The following AKAP9 variants were observed in gnomAD, a reference collection of about 807,000 sequenced individuals.
AKAP9 encodes the protein A-kinase anchor protein 9.
AKAP9 carries 311 observed loss-of-function variants against 488.5 expected under a neutral mutation model. The ratio of observed to expected loss-of-function variants is 0.64; its 90% confidence interval spans 0.58 to 0.70. The LOEUF (loss-of-function observed/expected upper bound fraction) is 0.70, where lower values mean the gene tolerates loss of function less well. AKAP9 is among the 30% of genes least tolerant of loss of function. The pLI, the probability that AKAP9 is intolerant of heterozygous loss-of-function variation, is 0.00. For missense variants in AKAP9, 4,215 were observed against 4,374.5 expected, an observed-to-expected ratio of 0.96 and a Z score of 1.03; for synonymous variants, 1,462 against 1,483.5, an observed-to-expected ratio of 0.99 and a Z score of 0.33.
At position 92,070,035 on chromosome 7, in the gene AKAP9, A is replaced by G; in HGVS notation, c.6336A>G (p.Glu2112=). The G allele has an allele frequency of 1.2e-6, 2 of 1,612,666 alleles. No homozygotes were observed. The highest frequency in any genetic ancestry group is 1.7e-6 in the Non-Finnish European group (2 of 1,179,696). The change falls in exon 27 of 50, where the codon GAA becomes GAG. Residue 2112 remains glutamate, a synonymous_variant. Transcript: ENST00000356239. ...TTTTGCCTCTTATATTTCAGGTTGA[A>G]CAGTTAGCAAATCATCTGAAAGAAA... The part of the protein sequence containing the change: ...PISEHQTREV[E]QLANHLKEKT...
intron 12 of AKAP9, among the ~76,000 whole-genome samples, chr7:92,020,013 CA>C (rs1004312584): frequency 1.3e-3 from 182 of 138,054 alleles, no homozygotes; most frequent in South Asian, 1.8e-3. Flanking sequence ...GACTCCATCT[CA>C]AAAAAAAAAA....
In AKAP9 at chr7:92,095,729, C is replaced by A. The variant is rs575805054; in HGVS notation, c.9729+556C>A. On this transcript the variant is annotated intron_variant, in intron 40 of 49. Transcript: ENST00000356239. ...CACTGGCTCAGAGCTCTTCTAGCCACGTAATCCTAATTCTCACTAACTCTG... is the reference window on the plus strand; with the variant it reads ...CACTGGCTCAGAGCTCTTCTAGCCAAGTAATCCTAATTCTCACTAACTCTG... 2.0e-5 allele frequency among the ~76,000 whole-genome samples: 3 copies of A among 152,276 alleles called. No homozygotes were observed. In the East Asian group the frequency reaches 5.8e-4, roughly 29 times the overall value.
intron 1 of AKAP9, among the ~76,000 whole-genome samples, chr7:91,955,832 C>T (rs1792920612): frequency 6.6e-6 from 1 of 152,126 alleles, no homozygotes; most frequent in African/African-American, 2.4e-5. Flanking sequence ...CAGGGTCTCG[C>T]CGTGTTGGCC....
rs1797961217 is a variant in AKAP9 at position 91,993,034 on chromosome 7, T to C, written c.555T>C (p.Tyr185=). The C allele has an allele frequency of 6.2e-7, 1 of 1,613,948 alleles. No homozygotes were observed. Among genetic ancestry groups the C allele is most frequent in the African/African-American group, 1.3e-5 (1 of 74,918 alleles). ...AGCTGGAAGAAATGAGGGTTACCTA[T>C]GGGACTGAAGGACTGCAGCAGGTAT... The part of the protein sequence containing the change: ...NRELEEMRVT[Y]GTEGLQQLQE... Residue 185 remains tyrosine (Y), a synonymous_variant, in exon 5 of 50, where the codon TAT becomes TAC. Transcript: ENST00000356239.
At chr7:92,032,733 AT>A (rs1554423178) in intron 16 of AKAP9, among the ~76,000 whole-genome samples, 2 of 152,206 alleles carry the variant, frequency 1.3e-5, no homozygotes, top group Non-Finnish European at 2.9e-5. Context: ...TTATTCACTT[AT>A]GCCTAAAGTG....
chr7:92,105,966 A>G (rs1008138500), intron 47 of AKAP9, among the ~76,000 whole-genome samples: 3 of 152,242 alleles, frequency 2.0e-5, no homozygotes, highest in South Asian at 4.1e-4. Context: ...CACAAATCCT[A>G]TTGTGAACTG....
intron 1 of AKAP9, among the ~76,000 whole-genome samples, chr7:91,943,019 C>T (rs79225219): frequency 6.7e-6 from 1 of 150,166 alleles, no homozygotes; most frequent in Non-Finnish European, 1.5e-5. Flanking sequence ...TAGTGAGACT[C>T]TACAAAAAAT....
At chr7:92,003,303 C>T in intron 8 of AKAP9, 68 bp downstream of exon 8, 1 of 1,217,484 alleles carries the variant, frequency 8.2e-7, no homozygotes, top group East Asian at 2.3e-5. Context: ...TAAGGTTTCA[C>T]CTTCATAGAA....
rs1814442462 is a variant in AKAP9, at chr7:92,085,746, C to T, written c.9024+60C>T. On this transcript the variant is annotated intron_variant, in intron 36 of 49. Transcript: ENST00000356239. ...ATGTATTATTTGAACAATAATAATA[C>T]ATTATAAATTAAATTATCTTTTATA... 8 of 1,186,096 alleles carry T rather than the reference C, an allele frequency of 6.7e-6. No individual in the cohort carries two copies. The South Asian group carries it at 1.1e-4, about 16-fold the overall frequency. The allele number at this position is 1,186,096 out of a possible 1,614,324, so 73.5% of individuals were successfully genotyped here.
intron 46 of AKAP9, 66 bp downstream of exon 46, chr7:92,102,892 C>T: frequency 1.5e-6 from 2 of 1,353,632 alleles, no homozygotes; most frequent in Non-Finnish European, 2.1e-6. Flanking sequence ...ATTTTTAATT[C>T]TCCCTCTATT....
intron 2 of AKAP9, among the ~76,000 whole-genome samples, chr7:91,974,667 T>C (rs932712700): frequency 3.3e-5 from 5 of 152,160 alleles, no homozygotes; most frequent in African/African-American, 1.2e-4. Context: ...AGGGATTGCA[T>C]TGAATCTGTA....
chr7:92,102,452 T>C (rs574682294), intron 45 of AKAP9, 142 bp from the exon 46 acceptor site: 1 of 171,198 alleles, frequency 5.8e-6, no homozygotes, highest in South Asian at 6.9e-5. Flanking sequence ...TTACTATTAC[T>C]ACTACTACTA....
In AKAP9 at chr7:92,002,942, G is replaced by T; in HGVS notation, c.3025G>T (p.Val1009Leu). ...TATTAACCACAACAGGGCAGAAAAT[G>T]TACAGTCATGTGATACTCAAGTAAG... ...IIINHNRAEN[V>L]QSCDTQVSSL... The change falls in exon 8 of 50, where the codon GTA becomes TTA. Residue 1009 changes from valine (V) to leucine (L), a missense_variant. This residue lies in a region of AKAP9 where 2,361 missense variants were observed against 2,430.0 expected (regional missense o/e 0.97). Transcript: ENST00000356239. The T allele has an allele frequency of 6.2e-7, 1 of 1,612,146 alleles. No homozygotes were observed. Among genetic ancestry groups the T allele is most frequent in the Non-Finnish European group, 8.5e-7 (1 of 1,179,372 alleles).
intron 1 of AKAP9, among the ~76,000 whole-genome samples, chr7:91,947,493 C>T (rs959303192): frequency 1.3e-5 from 2 of 152,084 alleles, no homozygotes; most frequent in South Asian, 4.1e-4. Context: ...CAGGCGCCCA[C>T]CACCACACCC....
intron 43 of AKAP9, 111 bp downstream of exon 43, chr7:92,098,325 G>T: frequency 3.1e-6 from 2 of 636,612 alleles, no homozygotes; most frequent in Non-Finnish European, 5.4e-6. Flanking sequence ...AGTTTTATTT[G>T]TATCTTTTTA....
intron 46 of AKAP9, 31 bp from the exon 47 acceptor site, chr7:92,105,647 C>T (rs762574730): frequency 6.7e-7 from 1 of 1,492,182 alleles, no homozygotes; most frequent in South Asian, 1.1e-5. Flanking sequence ...TATAGATGGG[C>T]TGTGAAATTT....
At chr7:92,096,176 A>C (rs1816529569) in intron 40 of AKAP9, among the ~76,000 whole-genome samples, 1 of 152,132 alleles carries the variant, frequency 6.6e-6, no homozygotes, top group South Asian at 2.1e-4. Context: ...TTTTGAGAAA[A>C]GTATTATCTT....
In AKAP9 at chr7:91,979,151, G is replaced by A. The variant is rs915255708; in HGVS notation, c.307-1138G>A. Among the ~76,000 whole-genome samples, 4 of 151,886 alleles carry A rather than the reference G, an allele frequency of 2.6e-5. No homozygotes were observed. The South Asian group carries it at 6.2e-4, about 24-fold the overall frequency. ...GTACGGTAGTTCCTCCTTATTTGTG[G>A]AGAGTTGTATCATTCCATTTTCATG... On this transcript the variant is annotated intron_variant, in intron 2 of 49. Coordinates refer to ENST00000356239, the MANE Select transcript of AKAP9 (RefSeq NM_005751.5).
chr7:91,991,679 GC>G (rs1225773249), intron 3 of AKAP9, among the ~76,000 whole-genome samples: 1 of 151,636 alleles, frequency 6.6e-6, no homozygotes, highest in Non-Finnish European at 1.5e-5. Flanking sequence ...CACCGTGTTA[GC>G]CAGGATGGTC....
Sources: gnomAD v4.1 joint callset for allele counts (sites outside exome capture counted in the v4.1 genomes callset) on GRCh38, gnomAD v4.1.1 for gene constraint, gnomAD v4.1.1 regional missense constraint, MANE v1.5 for transcripts, NCBI Gene and HGNC (gene_info 2026-07-23, HGNC 2026-07-21) for gene names.